The following ZNF532 variants were observed in gnomAD, a reference collection of about 807,000 sequenced individuals.
ZNF532 encodes the protein zinc finger protein 532.
Under a neutral mutation model 89.3 loss-of-function variants are expected in ZNF532, and 22 were observed. The observed-to-expected ratio is 0.25, with a 90% CI of 0.18 to 0.35. ZNF532 has a LOEUF of 0.35. ZNF532 is among the 10% of genes least tolerant of loss of function. ZNF532 has a pLI of 1.00. For synonymous variants in ZNF532, 606 were observed against 649.6 expected (o/e 0.93, Z 1.02); for missense variants, 1,132 against 1,643.4 (o/e 0.69, Z 5.38).
At chr18:58,898,871 AC>A (rs1164004978) in intron 2 of ZNF532, among the ~76,000 whole-genome samples, 1 of 152,186 alleles carries the variant, frequency 6.6e-6, no homozygotes, top group East Asian at 1.9e-4. Flanking sequence ...TTCCCCACTG[AC>A]CTGTCTTTCC....
intron 3 of ZNF532, among the ~76,000 whole-genome samples, chr18:58,927,465 C>A (rs2061618061): frequency 6.6e-6 from 1 of 151,618 alleles, no homozygotes; most frequent in Admixed American, 6.6e-5. Context: ...TTTGTCTCTA[C>A]CCATTGGCAT....
chr18:58,907,568 G>A (rs766973324), intron 2 of ZNF532, among the ~76,000 whole-genome samples: 5 of 151,872 alleles, frequency 3.3e-5, no homozygotes, highest in Non-Finnish European at 5.9e-5. Context: ...CGATCCCGGC[G>A]GAGAAGTTTT....
At chr18:58,929,454 C>T (rs2146340748) in intron 3 of ZNF532, among the ~76,000 whole-genome samples, 1 of 152,320 alleles carries the variant, frequency 6.6e-6, no homozygotes, top group South Asian at 2.1e-4. Flanking sequence ...CATCTGAATT[C>T]CTCCCCTCCG....
chr18:58,963,079 G>A (rs1315481384), intron 7 of ZNF532, among the ~76,000 whole-genome samples: 1 of 152,136 alleles, frequency 6.6e-6, no homozygotes, highest in East Asian at 1.9e-4. Context: ...TTTGGGGAAG[G>A]TTGATCTCAA....
intron 6 of ZNF532, among the ~76,000 whole-genome samples, chr18:58,950,313 G>A (rs549278646): frequency 4.4e-4 from 67 of 152,218 alleles, no homozygotes; most frequent in African/African-American, 1.5e-3. Flanking sequence ...GCCACAAGGA[G>A]GAAAGAATTG....
At chr18:58,915,288 C>T (rs567264584) in intron 2 of ZNF532, among the ~76,000 whole-genome samples, 2 of 152,298 alleles carry the variant, frequency 1.3e-5, no homozygotes, top group South Asian at 2.1e-4. Flanking sequence ...AGCTTCTAGT[C>T]GGCCTTCCTG....
At chr18:58,890,311 A>AT (rs1345258674) in intron 2 of ZNF532, among the ~76,000 whole-genome samples, 1 of 151,932 alleles carries the variant, frequency 6.6e-6, no homozygotes, top group Non-Finnish European at 1.5e-5. Context: ...ACTCTTAAGT[A>AT]AAATTAAGTA....
At chr18:58,893,763 C>T (rs1481538680) in intron 2 of ZNF532, among the ~76,000 whole-genome samples, 1 of 151,886 alleles carries the variant, frequency 6.6e-6, no homozygotes, top group African/African-American at 2.4e-5. Flanking sequence ...GCTAACTTGT[C>T]ACCTGTGAAA....
rs139065237 is a variant in ZNF532 at position 58,929,696 on chromosome 18, T to C, written c.2347-4737T>C. Among the ~76,000 whole-genome samples, 167 of 152,344 alleles carry C rather than the reference T, an allele frequency of 1.1e-3. 1 individual carries two copies. Among genetic ancestry groups the C allele is most frequent in the African/African-American group, 3.8e-3 (156 of 41,588 alleles). ...TTGTTCATTTAACTGTCAACTCTTA[T>C]TAGGGATTTTTTTGCGTAGCAGAAT... On this transcript the variant is annotated intron_variant, in intron 3 of 9. Coordinates refer to ENST00000591808, the MANE Select transcript of ZNF532 (RefSeq NM_001375912.1).
chr18:58,943,158 CTTTTTTTTTT>C (rs11289347), intron 5 of ZNF532, among the ~76,000 whole-genome samples: 9 of 123,122 alleles, frequency 7.3e-5, no homozygotes, highest in Non-Finnish European at 1.5e-4. Flanking sequence ...ATTACTATAT[CTTTTTTTTTT>C]TTTTTTTTTG....
At chr18:58,949,378 CTTTCTT>C (rs975719801) in intron 6 of ZNF532, among the ~76,000 whole-genome samples, 6 of 152,128 alleles carry the variant, frequency 3.9e-5, no homozygotes, top group African/African-American at 1.4e-4. Context: ...AACTCAATCT[CTTTCTT>C]TTAGTTTTGC....
intron 7 of ZNF532, 124 bp from the exon 8 acceptor site, chr18:58,978,931 A>C: frequency 1.4e-6 from 1 of 722,656 alleles, no homozygotes; most frequent in Non-Finnish European, 2.4e-6. Flanking sequence ...TGTCATGTCA[A>C]CCCTCAGTTT....
rs775150731 is a variant in ZNF532 at position 58,932,093 on chromosome 18, G to A, written c.2347-2340G>A. On this transcript the variant is annotated intron_variant, in intron 3 of 9. Coordinates refer to ENST00000591808, the MANE Select transcript of ZNF532 (RefSeq NM_001375912.1). Reference sequence around the variant, plus strand: ...AAAGGCAAGGTCTCTAGTGTCCAGCGTGATTCCCCAGTGACCATTTTCTCC... The same window carrying A: ...AAAGGCAAGGTCTCTAGTGTCCAGCATGATTCCCCAGTGACCATTTTCTCC... 2.2e-4 allele frequency among the ~76,000 whole-genome samples: 33 copies of A among 152,310 alleles called. 1 individual carries two copies. Among genetic ancestry groups the A allele is most frequent in the Non-Finnish European group, 3.7e-4 (25 of 68,034 alleles).
intron 2 of ZNF532, among the ~76,000 whole-genome samples, chr18:58,871,170 GTAGC>G (rs1225593771): frequency 6.6e-6 from 1 of 152,142 alleles, no homozygotes; most frequent in East Asian, 1.9e-4. Context: ...GGTAGAAAAT[GTAGC>G]TAAAACCTGC....
chr18:58,931,959 A>C (rs2062001289), intron 3 of ZNF532, among the ~76,000 whole-genome samples: 1 of 152,158 alleles, frequency 6.6e-6, no homozygotes, highest in Admixed American at 6.5e-5. Context: ...ACAATAATAA[A>C]AAACCCAAAC....
At chr18:58,976,981 G>C (rs2067131847) in intron 7 of ZNF532, among the ~76,000 whole-genome samples, 1 of 152,176 alleles carries the variant, frequency 6.6e-6, no homozygotes, top group Non-Finnish European at 1.5e-5. Context: ...AATCCAAGAG[G>C]TTAGGGATTG....
intron 7 of ZNF532, among the ~76,000 whole-genome samples, chr18:58,955,182 A>G (rs2064642323): frequency 6.6e-6 from 1 of 152,222 alleles, no homozygotes; most frequent in Non-Finnish European, 1.5e-5. Context: ...ACTTGAGCCC[A>G]GGAGTTCCAG....
Position 58,919,438 on chromosome 18 carries a change from T to C in ZNF532, c.1151T>C (p.Val384Ala), listed in dbSNP as rs537610565. The C allele has an allele frequency of 7.4e-6, 12 of 1,614,156 alleles. No individual in the cohort carries two copies. In the South Asian group the frequency reaches 9.9e-5, roughly 13 times the overall value. ...ACAGTGACCAGGGTATTGCCAGAAG[T>C]GGATCTTGACTCTGGAAAGAAACCT... The part of the protein sequence containing the change: ...KRTVTRVLPE[V>A]DLDSGKKPSE... Residue 384 changes from valine (V) to alanine (A), a missense_variant, in exon 3 of 10, where the codon GTG becomes GCG. Val to Ala is a moderately conservative substitution (Grantham distance 64). Around this residue, in one of 9 missense-constraint regions of ZNF532, gnomAD observed 124 missense variants for 191.6 expected, o/e 0.65. Coordinates refer to ENST00000591808, the MANE Select transcript of ZNF532 (RefSeq NM_001375912.1). This position sits in a 1 kb window ranked among gnomAD's most constrained non-coding sequence, Gnocchi z 6.1.
intron 2 of ZNF532, among the ~76,000 whole-genome samples, chr18:58,880,771 C>CGCGTGTGTGTGTGT (rs1440107025): frequency 1.8e-4 from 26 of 145,372 alleles, no homozygotes; most frequent in East Asian, 6.1e-4. Context: ...CACGCGCGCG[C>CGCGTGTGTGTGTGT]GTCTGTGTGT....
Sources: allele counts gnomAD v4.1 joint callset (sites outside exome capture counted in the v4.1 genomes callset), GRCh38; gene constraint gnomAD v4.1.1; regional missense constraint gnomAD v4.1.1; non-coding constraint Gnocchi (gnomAD v3.1); transcripts MANE v1.5; gene names NCBI Gene and HGNC (gene_info 2026-07-23, HGNC 2026-07-21).